IPCEF1: variants seen among roughly 807,000 people sequenced by gnomAD.
IPCEF1 encodes interaction protein for cytohesin exchange factors 1.
A neutral mutation model predicts 50.9 loss-of-function variants in IPCEF1; 31 were observed. The ratio of observed to expected loss-of-function variants is 0.61; its 90% CI spans 0.46 to 0.82. IPCEF1 has a LOEUF of 0.82. IPCEF1 is among the 40% of genes least tolerant of loss of function. The pLI is 0.00. For synonymous variants in IPCEF1, 181 were observed against 192.0 expected (o/e 0.94, Z 0.47); for missense variants, 458 against 514.0 (o/e 0.89, Z 1.05).
intron 10 of IPCEF1, among the ~76,000 whole-genome samples, chr6:154,188,883 A>G (rs1316869085): frequency 6.6e-6 from 1 of 152,222 alleles, no homozygotes; most frequent in African/African-American, 2.4e-5. Flanking sequence ...ACGTTTATAA[A>G]ATATGGAAGA....
intron 2 of IPCEF1, among the ~76,000 whole-genome samples, chr6:154,268,726 A>G (rs1474885513): frequency 6.6e-6 from 1 of 151,166 alleles, no homozygotes; most frequent in Non-Finnish European, 1.5e-5. Flanking sequence ...TTGTTTCCGT[A>G]TCTGTTTCTA....
chr6:154,192,333 T>TGTGTGC (rs1801972814), intron 10 of IPCEF1, among the ~76,000 whole-genome samples: 1 of 151,852 alleles, frequency 6.6e-6, no homozygotes. Context: ...TGTGTGTGTG[T>TGTGTGC]GTGTGTGTGT....
chr6:154,351,480 C>A (rs941165404), intron 1 of IPCEF1, among the ~76,000 whole-genome samples: 4 of 152,220 alleles, frequency 2.6e-5, no homozygotes, highest in African/African-American at 9.6e-5. Context: ...AGAACAACTC[C>A]TTTCCACTAT....
intron 1 of IPCEF1, among the ~76,000 whole-genome samples, chr6:154,341,173 A>G (rs1376000829): frequency 2.0e-5 from 3 of 152,132 alleles, no homozygotes; most frequent in Non-Finnish European, 4.4e-5. Context: ...TGAGCAAAGG[A>G]ATAACTTTGA....
intron 3 of IPCEF1, among the ~76,000 whole-genome samples, chr6:154,258,381 C>T (rs943586858): frequency 2.0e-5 from 3 of 152,182 alleles, no homozygotes; most frequent in Non-Finnish European, 4.4e-5. Flanking sequence ...GCCAGTCAGA[C>T]TCCTAAGCCT....
At chr6:154,355,054 ACATT>A (rs2128703399) in intron 1 of IPCEF1, among the ~76,000 whole-genome samples, 1 of 151,288 alleles carries the variant, frequency 6.6e-6, no homozygotes, top group East Asian at 1.9e-4. Flanking sequence ...ACCATTTGCC[ACATT>A]AGACCTACTT....
At chr6:154,262,538 T>G (rs1781626916) in intron 3 of IPCEF1, among the ~76,000 whole-genome samples, 1 of 152,196 alleles carries the variant, frequency 6.6e-6, no homozygotes, top group Admixed American at 6.5e-5. Flanking sequence ...AATGAACAAA[T>G]AAATTTGTTA....
intron 2 of IPCEF1, among the ~76,000 whole-genome samples, chr6:154,277,907 T>C (rs1782104530): frequency 6.6e-6 from 1 of 152,062 alleles, no homozygotes; most frequent in Non-Finnish European, 1.5e-5. Flanking sequence ...CTTCCTGTGG[T>C]CCACCCACTC....
chr6:154,321,084 C>T (rs1783362043), intron 1 of IPCEF1, among the ~76,000 whole-genome samples: 1 of 151,876 alleles, frequency 6.6e-6, no homozygotes, highest in Non-Finnish European at 1.5e-5. Flanking sequence ...GCGCGCACCA[C>T]CACACCAGGC....
chr6:154,202,505 A>G (rs1403195532), intron 9 of IPCEF1, among the ~76,000 whole-genome samples: 1 of 152,180 alleles, frequency 6.6e-6, no homozygotes, highest in East Asian at 1.9e-4. Context: ...ATTGTGAGCT[A>G]TTTTAGTAAA....
intron 8 of IPCEF1, 33 bp downstream of exon 8, chr6:154,214,185 G>A (rs1282098215): frequency 7.2e-7 from 1 of 1,381,260 alleles, no homozygotes; most frequent in African/African-American, 1.4e-5. Context: ...TAATATTCTT[G>A]CTAAATTTTC....
intron 1 of IPCEF1, among the ~76,000 whole-genome samples, chr6:154,298,141 T>C (rs1045075443): frequency 2.6e-5 from 4 of 152,228 alleles, no homozygotes; most frequent in African/African-American, 9.6e-5. Flanking sequence ...AGCATTTCTA[T>C]GTTCTTTTAA....
chr6:154,237,188 C>T (rs565221990), intron 5 of IPCEF1, among the ~76,000 whole-genome samples: 174 of 152,296 alleles, frequency 1.1e-3, no homozygotes, highest in African/African-American at 4.1e-3. Flanking sequence ...AATCCTCAAA[C>T]CTAATGAAAA....
intron 1 of IPCEF1, among the ~76,000 whole-genome samples, chr6:154,323,103 G>A (rs931285596): frequency 6.6e-6 from 1 of 152,074 alleles, no homozygotes; most frequent in African/African-American, 2.4e-5. Flanking sequence ...CATGCCCTTG[G>A]TTCTGAACCA....
chr6:154,349,020 C>G lies in IPCEF1; in HGVS notation c.-62+7652G>C, dbSNP rs544421394. Among the ~76,000 whole-genome samples the G allele has an allele frequency of 2.2e-4, 34 of 152,240 alleles. No homozygotes were observed. In the Middle Eastern group the frequency reaches 0.01, roughly 46 times the overall value. On this transcript the variant is annotated intron_variant, in intron 1 of 11. Transcript: ENST00000367220. ...TCAAATAATTAAAGGTTTTCTCCTT[C>G]AAACATAACTTTGTATAAAGTACAG... is the stretch of plus-strand genomic sequence containing the variant.
At chr6:154,293,357 T>A (rs1782559452) in intron 1 of IPCEF1, among the ~76,000 whole-genome samples, 1 of 152,204 alleles carries the variant, frequency 6.6e-6, no homozygotes, top group Non-Finnish European at 1.5e-5. Context: ...AGATGTACCA[T>A]CTCAATCACT....
At chr6:154,164,715 G>C (rs1236095653) in intron 11 of IPCEF1, among the ~76,000 whole-genome samples, 6 of 152,132 alleles carry the variant, frequency 3.9e-5, no homozygotes, top group African/African-American at 7.2e-5. Flanking sequence ...GGGAAGAAAG[G>C]GTTCACCGCT....
intron 1 of IPCEF1, among the ~76,000 whole-genome samples, chr6:154,317,947 A>G (rs1783265653): frequency 6.6e-6 from 1 of 152,250 alleles, no homozygotes; most frequent in Non-Finnish European, 1.5e-5. Flanking sequence ...CTGTCCATCA[A>G]TAGGAACAGA....
At chr6:154,178,231 A>G (rs1374993325) in intron 10 of IPCEF1, among the ~76,000 whole-genome samples, 1 of 152,222 alleles carries the variant, frequency 6.6e-6, no homozygotes, top group Non-Finnish European at 1.5e-5. Context: ...TGGCACATGT[A>G]TACCTATGTA....
Sources: gnomAD v4.1 joint callset for allele counts (sites outside exome capture counted in the v4.1 genomes callset) on GRCh38, gnomAD v4.1.1 for gene constraint, MANE v1.5 for transcripts, NCBI Gene and HGNC (gene_info 2026-07-23, HGNC 2026-07-21) for gene names.